AKAP19: variants seen among roughly 807,000 people sequenced by gnomAD.
AKAP19 encodes the protein A-kinase anchoring protein 19.
At chr2:190,108,148 A>T in the AKAP19 span, among the ~76,000 whole-genome samples, 1 of 151,750 alleles carries the variant, frequency 6.6e-6, no homozygotes, top group Non-Finnish European at 1.5e-5. Context: ...ATTGTAAAAA[A>T]ATTCTGGTTT....
the AKAP19 span, among the ~76,000 whole-genome samples, chr2:190,118,307 A>G: frequency 1.3e-5 from 2 of 152,222 alleles, no homozygotes; most frequent in Admixed American, 1.3e-4. Context: ...AGCTGGTACC[A>G]TTCCTTCTGA....
the AKAP19 span, among the ~76,000 whole-genome samples, chr2:190,067,038 G>A: frequency 1.3e-5 from 2 of 152,042 alleles, no homozygotes; most frequent in Non-Finnish European, 2.9e-5. Flanking sequence ...AAAATTTTGG[G>A]TCTCAGGATT....
the AKAP19 span, among the ~76,000 whole-genome samples, chr2:190,066,088 A>C: frequency 2.6e-5 from 4 of 152,132 alleles, no homozygotes; most frequent in Non-Finnish European, 5.9e-5. Flanking sequence ...GTTTTGTCTT[A>C]AGTTAGCCAT....
the AKAP19 span, among the ~76,000 whole-genome samples, chr2:190,158,084 G>C: frequency 6.6e-6 from 1 of 152,168 alleles, no homozygotes; most frequent in Non-Finnish European, 1.5e-5. Flanking sequence ...GCCCAGTTCT[G>C]TTTCTCTATG....
the AKAP19 span, among the ~76,000 whole-genome samples, chr2:189,912,817 GT>G: frequency 6.6e-6 from 1 of 151,852 alleles, no homozygotes; most frequent in South Asian, 2.1e-4. Context: ...TTCTTTTGAC[GT>G]GAAAAGTTAC....
chr2:189,889,333 T>C, the AKAP19 span, among the ~76,000 whole-genome samples: 1 of 152,228 alleles, frequency 6.6e-6, no homozygotes, highest in East Asian at 1.9e-4. Flanking sequence ...GCATTCGGCT[T>C]GCCAGTATTT....
At chr2:189,949,631 C>CTTTTTTTTTT in the AKAP19 span, among the ~76,000 whole-genome samples, 26 of 117,722 alleles carry the variant, frequency 2.2e-4, no homozygotes, top group Non-Finnish European at 3.6e-4. Flanking sequence ...CTTTTTCTTT[C>CTTTTTTTTTT]TTTTTTTTTT....
the AKAP19 span, among the ~76,000 whole-genome samples, chr2:190,136,974 G>T: frequency 6.6e-6 from 1 of 152,224 alleles, no homozygotes; most frequent in Non-Finnish European, 1.5e-5. Flanking sequence ...GGAAAAGATT[G>T]CTTTTGGAAG....
chr2:189,973,734 T>G, the AKAP19 span, among the ~76,000 whole-genome samples: 1 of 152,202 alleles, frequency 6.6e-6, no homozygotes, highest in Non-Finnish European at 1.5e-5. Flanking sequence ...GTCCAGGAAT[T>G]TATCCCTTTC....
chr2:190,033,913 C>T, the AKAP19 span, among the ~76,000 whole-genome samples: 1 of 152,200 alleles, frequency 6.6e-6, no homozygotes, highest in Non-Finnish European at 1.5e-5. Context: ...ATCCAGTTTC[C>T]ATTATAGACA....
At chr2:189,901,127 T>C in the AKAP19 span, among the ~76,000 whole-genome samples, 3 of 152,110 alleles carry the variant, frequency 2.0e-5, no homozygotes, top group East Asian at 1.9e-4. Flanking sequence ...ATTAGGACTC[T>C]ACACTATATT....
the AKAP19 span, among the ~76,000 whole-genome samples, chr2:189,992,488 C>G: frequency 1.3e-5 from 2 of 151,752 alleles, no homozygotes; most frequent in African/African-American, 4.8e-5. Flanking sequence ...TTTGCTTAGT[C>G]TTGCTTTAGC....
chr2:190,188,390 A>G, the AKAP19 span, among the ~76,000 whole-genome samples: 3 of 152,236 alleles, frequency 2.0e-5, no homozygotes, highest in Non-Finnish European at 2.9e-5. Flanking sequence ...AAATGACAAG[A>G]AGGCCAAAAC....
chr2:190,116,239 T>C, the AKAP19 span, among the ~76,000 whole-genome samples: 3 of 152,166 alleles, frequency 2.0e-5, no homozygotes, highest in Non-Finnish European at 4.4e-5. Flanking sequence ...TGAACAGAAA[T>C]TTATGGGCTC....
the AKAP19 span, among the ~76,000 whole-genome samples, chr2:190,169,767 G>A: frequency 6.6e-6 from 1 of 152,170 alleles, no homozygotes; most frequent in African/African-American, 2.4e-5. Flanking sequence ...AGCTGGTTTG[G>A]GCTTAAGATA....
At chr2:189,940,510 A>G in the AKAP19 span, among the ~76,000 whole-genome samples, 2 of 152,146 alleles carry the variant, frequency 1.3e-5, no homozygotes, top group Non-Finnish European at 2.9e-5. Flanking sequence ...AGATATAGAA[A>G]ATTACTTCAA....
the AKAP19 span, among the ~76,000 whole-genome samples, chr2:190,006,495 A>G: frequency 6.6e-6 from 1 of 151,482 alleles, no homozygotes; most frequent in African/African-American, 2.4e-5. Context: ...AAAATACAAA[A>G]GAAAATTAGC....
the AKAP19 span, among the ~76,000 whole-genome samples, chr2:189,925,468 G>A: frequency 5.7e-3 from 872 of 152,268 alleles, 6 homozygotes; most frequent in Non-Finnish European, 9.0e-3. Context: ...TTTATGAAAA[G>A]AGGAAGAGCA....
chr2:190,136,530 G>A, the AKAP19 span, among the ~76,000 whole-genome samples: 1 of 152,138 alleles, frequency 6.6e-6, no homozygotes, highest in Non-Finnish European at 1.5e-5. Flanking sequence ...GACAACATAA[G>A]TAAACAAGCC....
Sources: allele counts gnomAD v4.1 joint callset (sites outside exome capture counted in the v4.1 genomes callset), GRCh38; gene constraint gnomAD v4.1.1; transcripts MANE v1.5; gene names NCBI Gene and HGNC (gene_info 2026-07-23, HGNC 2026-07-21).